The following LAMB3 variants were observed in gnomAD, a reference collection of about 807,000 sequenced individuals.
The protein encoded by LAMB3 is laminin subunit beta-3.
Under a neutral mutation model 140.3 loss-of-function variants are expected in LAMB3, and 104 were observed. The ratio of observed to expected loss-of-function variants is 0.74; its 90% CI spans 0.63 to 0.87. The LOEUF (loss-of-function observed/expected upper bound fraction) is 0.87, where lower values mean the gene tolerates loss of function less well. LAMB3 is among the 40% of genes least tolerant of loss of function. The pLI, the probability that LAMB3 is intolerant of heterozygous loss-of-function variation, is 0.00. For missense variants in LAMB3, 1,531 were observed against 1,575.2 expected (o/e 0.97, Z 0.47); for synonymous variants, 592 against 602.9 (o/e 0.98, Z 0.26).
At position 209,638,637 on chromosome 1, in the gene LAMB3, T is replaced by A. The variant is rs1431939630; in HGVS notation, c.195A>T (p.Lys65Asn). 6.2e-7 allele frequency: 1 copy of A among 1,609,978 alleles called. No individual in the cohort carries two copies. ...YCTQYGEWQM[K>N]CCKCDSRQPH... ...GCTGCCTGGAGTCACACTTGCAGCA[T>A]TTCATCTGCCACTGTGGGAGAGGGA... The change falls in exon 4 of 23, where the codon AAA becomes AAT. Residue 65 changes from lysine to asparagine, a missense_variant. Transcript: ENST00000356082.
intron 4 of LAMB3, 121 bp downstream of exon 4, chr1:209,638,413 C>G (rs1666961582): frequency 1.4e-6 from 1 of 730,120 alleles, no homozygotes; most frequent in Non-Finnish European, 2.5e-6. Context: ...TCTTATCAAT[C>G]ACCCATGTCA....
intron 13 of LAMB3, among the ~76,000 whole-genome samples, chr1:209,626,604 GCT>G (rs146539397): frequency 6.6e-6 from 1 of 152,102 alleles, no homozygotes; most frequent in Non-Finnish European, 1.5e-5. Context: ...TCTGGGAAAT[GCT>G]CTCTCTCTCT....
In LAMB3 at chr1:209,621,475, G is replaced by C. The variant is rs1340690534; in HGVS notation, c.2701+1061C>G. ...GGCAAAAACACTGTAATAGTAGCAA[G>C]AGGAGCCACTGTCATTACACCAAGC... On this transcript the variant is annotated intron_variant, in intron 18 of 22. Transcript: ENST00000356082. Among the ~76,000 whole-genome samples, 2 of 152,196 alleles carry C rather than the reference G, an allele frequency of 1.3e-5. 1 individual carries two copies. The highest frequency in any genetic ancestry group is 1.3e-4 in the Admixed American group (2 of 15,278).
chr1:209,618,699 C>A, intron 18 of LAMB3, 40 bp from the exon 19 acceptor site: 2 of 1,593,314 alleles, frequency 1.3e-6, no homozygotes, highest in East Asian at 2.2e-5. Flanking sequence ...AGCCCACTAA[C>A]CTCCCCAGAG....
In LAMB3 at chr1:209,623,065, C is replaced by T. The variant is rs766978893; in HGVS notation, c.2473G>A (p.Ala825Thr). The change falls in exon 17 of 23, where the codon GCC becomes ACC. Residue 825 changes from alanine (A) to threonine (T), a missense_variant. Coordinates refer to ENST00000356082, the MANE Select transcript of LAMB3 (RefSeq NM_000228.3). This position sits in a 1 kb window ranked among gnomAD's most constrained non-coding sequence, Gnocchi z 4.2. Reference sequence around the variant, plus strand: ...CCCGCCATCAAGAAGGCCCCACCGGCCCTGGGAAGGACACCCCTGCAGCGG... The same window carrying T: ...CCCGCCATCAAGAAGGCCCCACCGGTCCTGGGAAGGACACCCCTGCAGCGG... ...GSRCRGVLPR[A>T]GGAFLMAGQV... 5 of 1,614,084 alleles carry T rather than the reference C, an allele frequency of 3.1e-6. No individual in the cohort carries two copies. Among genetic ancestry groups the T allele is most frequent in the African/African-American group, 1.3e-5 (1 of 74,942 alleles).
chr1:209,642,457 G>A (rs994877791), intron 3 of LAMB3, among the ~76,000 whole-genome samples: 1 of 148,750 alleles, frequency 6.7e-6, no homozygotes, highest in African/African-American at 2.5e-5. Context: ...TTTTTATTAT[G>A]TTTAAGCTTT....
At chr1:209,622,927 A>G in intron 17 of LAMB3, 55 bp downstream of exon 17, 1 of 1,584,678 alleles carries the variant, frequency 6.3e-7, no homozygotes. Flanking sequence ...TGCCCGGGGG[A>G]TCTATCCTGT....
rs1383945948 is a variant in LAMB3, at chr1:209,626,882, C to T, written c.1582G>A (p.Ala528Thr). The T allele has an allele frequency of 6.2e-7, 1 of 1,613,518 alleles. No homozygotes were observed. Among genetic ancestry groups the T allele is most frequent in the Non-Finnish European group, 8.5e-7 (1 of 1,179,662 alleles). The stretch of plus-strand genomic sequence containing the variant: ...GAGCATGCACCTCGGCATCCTGTGG[C>T]CACGTCTCCATAGGTCCGGTCTGGA... ...QCPDRTYGDV[A>T]TGCRACDCDF... Residue 528 changes from alanine to threonine, a missense_variant, in exon 13 of 23, where the codon GCC (alanine) becomes ACC (threonine). By Grantham distance (58) the Ala-to-Thr change is moderately conservative. Transcript: ENST00000356082.
intron 9 of LAMB3, 23 bp downstream of exon 9, chr1:209,630,592 G>A (rs368686961): frequency 9.3e-6 from 15 of 1,613,980 alleles, no homozygotes; most frequent in Non-Finnish European, 1.3e-5. Context: ...CCCTACAGGG[G>A]AGGGGTGATC....
intron 2 of LAMB3, 129 bp downstream of exon 2, chr1:209,650,788 C>T (rs2076559693): frequency 1.1e-6 from 1 of 889,792 alleles, no homozygotes. Flanking sequence ...CCCCAGTAGA[C>T]AAGTATTCCC....
chr1:209,650,169 A>C, intron 2 of LAMB3, 51 bp from the exon 3 acceptor site: 1 of 1,557,010 alleles, frequency 6.4e-7, no homozygotes. Context: ...AAGGGACCTC[A>C]CTGGCCACCC....
chr1:209,633,682 G>T (rs757215570), intron 6 of LAMB3, among the ~76,000 whole-genome samples: 4 of 152,178 alleles, frequency 2.6e-5, no homozygotes, highest in Non-Finnish European at 4.4e-5. Flanking sequence ...ATAGATTTGC[G>T]TAAGGGTATA....
chr1:209,652,209 AAG>A (rs1395862024), intron 1 of LAMB3, 158 bp downstream of exon 1: 15 of 152,202 alleles, frequency 9.9e-5, no homozygotes, highest in African/African-American at 3.1e-4. Context: ...AAATGTGAAA[AAG>A]AAATCAAAAC....
intron 8 of LAMB3, among the ~76,000 whole-genome samples, chr1:209,632,310 G>T (rs982673385): frequency 2.0e-5 from 3 of 152,192 alleles, no homozygotes; most frequent in Admixed American, 2.0e-4. Context: ...CATAACGAGG[G>T]TTGAGAATCA....
In LAMB3 at chr1:209,629,743, A is replaced by G. The variant is rs1426392126; in HGVS notation, c.1126T>C (p.Cys376Arg). 6.2e-7 allele frequency: 1 copy of G among 1,613,976 alleles called. No homozygotes were observed. The highest frequency in any genetic ancestry group is 2.2e-5 in the East Asian group (1 of 44,882). The part of the protein sequence containing the change: ...RRPGASIQET[C>R]ISCECDPDGA... ...CTCCGGAGCCTCTACTCACAGATGC[A>G]GGTCTCCTGAATGGAAGCTCCCGGG... Residue 376 changes from cysteine to arginine, a missense_variant, in exon 10 of 23, where the codon TGC (cysteine) becomes CGC (arginine). By Grantham distance (180) the Cys-to-Arg change is radical. Coordinates refer to ENST00000356082, the MANE Select transcript of LAMB3 (RefSeq NM_000228.3).
chr1:209,618,862 C>A, intron 18 of LAMB3: 2 of 628,962 alleles, frequency 3.2e-6, no homozygotes, highest in East Asian at 2.8e-5. Context: ...GGATGACTAT[C>A]CTGTGCTCCA....
chr1:209,629,668 C>T, intron 10 of LAMB3, 69 bp downstream of exon 10: 1 of 1,477,648 alleles, frequency 6.8e-7, no homozygotes, highest in Non-Finnish European at 9.5e-7. Context: ...AACATGTACT[C>T]TATTGTACCC....
At chr1:209,636,889 C>T (rs1666912687) in intron 5 of LAMB3, among the ~76,000 whole-genome samples, 1 of 152,236 alleles carries the variant, frequency 6.6e-6, no homozygotes, top group South Asian at 2.1e-4. Flanking sequence ...TCTCTCACTA[C>T]TGACTTCCCC....
At position 209,650,067 on chromosome 1, in the gene LAMB3, T is replaced by G; in HGVS notation, c.80A>C (p.Tyr27Ser). The G allele has an allele frequency of 6.2e-7, 1 of 1,614,050 alleles. No homozygotes were observed. The highest frequency in any genetic ancestry group is 8.5e-7 in the Non-Finnish European group (1 of 1,179,994). ...AQQACSRGAC[Y>S]PPVGDLLVGR... ...AACAAGCAGGTCCCCAACAGGTGGA[T>G]AGCAGGCCCCACGGGAGCAGGCTTG... Residue 27 changes from tyrosine (Y) to serine (S), a missense_variant, in exon 3 of 23, where the codon TAT becomes TCT. Tyr to Ser is a moderately radical substitution (Grantham distance 144, BLOSUM62 -2). Coordinates refer to ENST00000356082, the MANE Select transcript of LAMB3 (RefSeq NM_000228.3).
Sources: gnomAD v4.1 joint callset for allele counts (sites outside exome capture counted in the v4.1 genomes callset) on GRCh38, gnomAD v4.1.1 for gene constraint, Gnocchi (gnomAD v3.1) non-coding constraint, MANE v1.5 for transcripts, NCBI Gene and HGNC (gene_info 2026-07-23, HGNC 2026-07-21) for gene names.